NAV3: variants seen among roughly 807,000 people sequenced by gnomAD.
NAV3 encodes pore membrane and/or filament interacting like protein 1.
NAV3 carries 87 observed loss-of-function variants against 244.7 expected under a neutral mutation model. That is an observed-to-expected ratio of 0.36 (90% confidence interval 0.30 to 0.42). The LOEUF is 0.42. Among genes scored for constraint, NAV3 ranks in the 20% least tolerant of loss-of-function variants. The pLI is 1.00. For missense variants in NAV3, 2,663 were observed against 2,893.3 expected (o/e 0.92, Z 1.83); for synonymous variants, 1,126 against 1,042.2 (o/e 1.08, Z -1.55).
At chr12:77,612,952 A>G (rs1870983443) in intron 2 of NAV3, among the ~76,000 whole-genome samples, 1 of 152,132 alleles carries the variant, frequency 6.6e-6, no homozygotes, top group South Asian at 2.1e-4. Flanking sequence ...TTTGCTCAGC[A>G]CTTCCTCTTG....
At chr12:78,091,885 A>AAT (rs1387311885) in intron 12 of NAV3, 11 of 152,252 alleles carry the variant, frequency 7.2e-5, no homozygotes, top group African/African-American at 2.6e-4. Flanking sequence ...ACAAAGACAG[A>AAT]ATATACAGAA....
chr12:78,134,458 A>G lies in NAV3; in HGVS notation c.4442-2719A>G, dbSNP rs575433815. Among the ~76,000 whole-genome samples the G allele has an allele frequency of 2.6e-5, 4 of 152,346 alleles. No homozygotes were observed. In the East Asian group the frequency reaches 7.7e-4, roughly 29 times the overall value. On this transcript the variant is annotated intron_variant, in intron 18 of 39. Coordinates refer to ENST00000397909, the MANE Select transcript of NAV3 (RefSeq NM_001024383.2). ...ATCTTCACCTATTGTTCCTAGTTAT[A>G]TATATCCAGATTCTACAAAATAAGT...
chr12:78,039,747 G>A (rs557766585), intron 9 of NAV3, among the ~76,000 whole-genome samples: 41 of 151,952 alleles, frequency 2.7e-4, no homozygotes, highest in Non-Finnish European at 4.6e-4. Context: ...AAATAGTAAC[G>A]TAGGAGTACC....
At chr12:77,888,409 C>T (rs1029872392) in intron 1 of NAV3, among the ~76,000 whole-genome samples, 2 of 152,044 alleles carry the variant, frequency 1.3e-5, no homozygotes, top group Admixed American at 1.3e-4. Context: ...CCTAGGAGGT[C>T]AAGACTGCAG....
At chr12:78,197,458 C>T in intron 35 of NAV3, 57 bp downstream of exon 35, 9 of 1,335,236 alleles carry the variant, frequency 6.7e-6, no homozygotes, top group South Asian at 3.4e-5. Context: ...ATCAAATTTG[C>T]CTTCTTGTAC....
chr12:78,076,409 T>A (rs1375207546), intron 12 of NAV3, among the ~76,000 whole-genome samples: 1 of 152,208 alleles, frequency 6.6e-6, no homozygotes, highest in African/African-American at 2.4e-5. Context: ...CCATGTTATA[T>A]TGAGGACTCT....
At chr12:77,962,062 T>G (rs1402391259) in intron 3 of NAV3, among the ~76,000 whole-genome samples, 1 of 152,058 alleles carries the variant, frequency 6.6e-6, no homozygotes, top group African/African-American at 2.4e-5. Flanking sequence ...ATCTTTCCCT[T>G]GTGCTTAAAA....
At chr12:77,879,545 G>T (rs570104603) in intron 1 of NAV3, among the ~76,000 whole-genome samples, 2 of 151,792 alleles carry the variant, frequency 1.3e-5, no homozygotes, top group South Asian at 4.2e-4. Flanking sequence ...TGTGGTGGTG[G>T]ACACCTATAA....
intron 3 of NAV3, among the ~76,000 whole-genome samples, chr12:77,957,732 T>C (rs767917154): frequency 1.5e-4 from 23 of 152,114 alleles, no homozygotes; most frequent in Non-Finnish European, 2.8e-4. Flanking sequence ...TGGGGTGATC[T>C]CGGCTCGCTG....
intron 2 of NAV3, among the ~76,000 whole-genome samples, chr12:77,659,202 C>G (rs527324136): frequency 5.9e-4 from 89 of 151,466 alleles, no homozygotes; most frequent in African/African-American, 2.1e-3. Flanking sequence ...ATTTTCGCAA[C>G]CTACTCGTCT....
chr12:77,597,363 C>G, intron 2 of NAV3, among the ~76,000 whole-genome samples: 1 of 152,134 alleles, frequency 6.6e-6, no homozygotes, highest in African/African-American at 2.4e-5. Flanking sequence ...TTCCAGTAAG[C>G]CATGGAGCCT....
chr12:77,688,759 A>G (rs926808543), intron 2 of NAV3, among the ~76,000 whole-genome samples: 2 of 151,904 alleles, frequency 1.3e-5, no homozygotes, highest in Non-Finnish European at 2.9e-5. Flanking sequence ...ACGGATAGAT[A>G]ATGAAGGAGA....
chr12:78,120,798 C>A (rs1347343585), intron 15 of NAV3, among the ~76,000 whole-genome samples: 1 of 152,032 alleles, frequency 6.6e-6, no homozygotes, highest in Admixed American at 6.5e-5. Flanking sequence ...ATTATGGGTT[C>A]AATATTTTTA....
At chr12:77,816,860 C>G (rs1872547063) in intron 2 of NAV3, among the ~76,000 whole-genome samples, 1 of 152,140 alleles carries the variant, frequency 6.6e-6, no homozygotes, top group South Asian at 2.1e-4. Context: ...CTTGTGATTC[C>G]TAAACTATGG....
At chr12:77,807,743 G>C (rs193220700) in intron 2 of NAV3, among the ~76,000 whole-genome samples, 1 of 152,284 alleles carries the variant, frequency 6.6e-6, no homozygotes, top group African/African-American at 2.4e-5. Flanking sequence ...GGTTGGGGAA[G>C]TTCTCCTGGA....
At chr12:78,146,990 G>A (rs1217750599) in intron 21 of NAV3, among the ~76,000 whole-genome samples, 2 of 152,096 alleles carry the variant, frequency 1.3e-5, no homozygotes, top group Non-Finnish European at 2.9e-5. Context: ...AAAGAGAGCA[G>A]GAGGACTTTA....
At chr12:77,635,495 G>T (rs1358569541) in intron 2 of NAV3, among the ~76,000 whole-genome samples, 1 of 152,096 alleles carries the variant, frequency 6.6e-6, no homozygotes, top group Non-Finnish European at 1.5e-5. Context: ...GTTTTTAAAG[G>T]TATATTCTAT....
At chr12:78,204,845 T>G (rs966996187) in intron 38 of NAV3, 90 bp from the exon 39 acceptor site, 4 of 1,128,482 alleles carry the variant, frequency 3.5e-6, no homozygotes, top group Non-Finnish European at 5.1e-6. Flanking sequence ...GAACTCAATA[T>G]GTCAAAAAAT....
chr12:77,894,001 A>T (rs1255387890), intron 1 of NAV3, among the ~76,000 whole-genome samples: 2 of 152,190 alleles, frequency 1.3e-5, no homozygotes, highest in Admixed American at 1.3e-4. Flanking sequence ...CCTTTCAGTG[A>T]GGTTACCTTC....
Sources: gnomAD v4.1 joint callset for allele counts (sites outside exome capture counted in the v4.1 genomes callset) on GRCh38, gnomAD v4.1.1 for gene constraint, MANE v1.5 for transcripts, NCBI Gene and HGNC (gene_info 2026-07-23, HGNC 2026-07-21) for gene names.